Variants in ANK3 observed in about 807,000 individuals in gnomAD.
The protein encoded by ANK3 is ankyrin-3.
A neutral mutation model predicts 370.9 loss-of-function variants in ANK3; 57 were observed. The observed-to-expected ratio is 0.15, with a 90% CI of 0.12 to 0.19. The LOEUF is 0.19. Ranked by LOEUF, ANK3 falls within the 10% of genes least tolerant of loss-of-function variation. The pLI, the probability that ANK3 is intolerant of heterozygous loss-of-function variation, is 1.00. For synonymous variants in ANK3, 1,929 were observed against 1,946.3 expected (o/e 0.99, Z 0.23); for missense variants, 4,439 against 5,302.1 (o/e 0.84, Z 5.06).
Position 60,080,566 on chromosome 10 carries a change from C to T in ANK3, c.4403G>A (p.Arg1468His), listed in dbSNP as rs74777754. The change falls in exon 36 of 44, where the codon CGC becomes CAC. Residue 1468 changes from arginine (R) to histidine (H), a missense_variant. By Grantham distance (29) the Arg-to-His change is conservative (BLOSUM62 0). Coordinates refer to ENST00000280772, the MANE Select transcript of ANK3 (RefSeq NM_020987.5). ...TCCAGGCTCAGTCAAGTAGCTGTAG[C>T]GCTTACGTAAAGCTAAGGATGCGAA... ...QSFASLALRKRYSYLTEPGMI... is the reference protein window; with the variant it reads ...QSFASLALRKHYSYLTEPGMI... 5.2e-4 allele frequency: 839 copies of T among 1,611,958 alleles called. 8 individuals carry two copies. In the East Asian group the frequency reaches 0.018, roughly 34 times the overall value.
At chr10:60,681,512 A>T (rs1468908285) in intron 1 of ANK3, among the ~76,000 whole-genome samples, 1 of 152,162 alleles carries the variant, frequency 6.6e-6, no homozygotes, top group African/African-American at 2.4e-5. Context: ...ACCTGGCTAA[A>T]TCCGAATCAT....
At chr10:60,220,112 T>A (rs532793565) in intron 8 of ANK3, among the ~76,000 whole-genome samples, 6 of 152,186 alleles carry the variant, frequency 3.9e-5, no homozygotes, top group African/African-American at 1.2e-4. Context: ...CCTGAAGACA[T>A]CTGATGGAGA....
intron 2 of ANK3, among the ~76,000 whole-genome samples, chr10:60,467,444 G>T (rs1344995170): frequency 1.3e-5 from 2 of 152,066 alleles, no homozygotes; most frequent in African/African-American, 2.4e-5. Flanking sequence ...GATGTGGGAG[G>T]TATCAGATTT....
intron 4 of ANK3, among the ~76,000 whole-genome samples, chr10:60,271,524 ATAC>A (rs2097985119): frequency 6.6e-6 from 1 of 152,186 alleles, no homozygotes; most frequent in Non-Finnish European, 1.5e-5. Flanking sequence ...CTTTTTGAAT[ATAC>A]TTTTCAGAAT....
chr10:60,312,982 A>G (rs10761480), intron 1 of ANK3, among the ~76,000 whole-genome samples: 91,405 of 151,418 alleles, frequency 0.6, 27,807 homozygotes, highest in South Asian at 0.78. Flanking sequence ...AAGACATCTG[A>G]GGCCTCCCCA....
chr10:60,071,246 T>C lies in ANK3; in HGVS notation c.9635A>G (p.Gln3212Arg), dbSNP rs1408389273. 1.2e-6 allele frequency: 2 copies of C among 1,614,048 alleles called. No homozygotes were observed. The highest frequency in any genetic ancestry group is 1.7e-6 in the Non-Finnish European group (2 of 1,180,008). The change falls in exon 37 of 44, where the codon CAG becomes CGG. Residue 3212 changes from glutamine (Q) to arginine (R), a missense_variant. By Grantham distance (43) the Gln-to-Arg change is conservative (BLOSUM62 1). Around this residue, in one of 13 missense-constraint regions of ANK3, gnomAD observed 1,601 missense variants for 1,731.7 expected, o/e 0.92. Transcript: ENST00000280772. ...EVSEESEEEE[Q>R]AKSTSLKQTT... is the part of the protein sequence containing the mutation. ...CTGCTTAAGGGAGGTTGACTTGGCC[T>C]GTTCCTCCTCCTCTGACTCCTCAGA...
chr10:60,416,164 C>T (rs753804178), intron 2 of ANK3, among the ~76,000 whole-genome samples: 2 of 152,086 alleles, frequency 1.3e-5, no homozygotes, highest in Non-Finnish European at 2.9e-5. Context: ...CTTATCAGCA[C>T]CTTAATCTTG....
intron 8 of ANK3, among the ~76,000 whole-genome samples, chr10:60,217,233 T>A (rs1290077632): frequency 6.6e-6 from 1 of 152,140 alleles, no homozygotes; most frequent in African/African-American, 2.4e-5. Context: ...TTCATTGATT[T>A]TTTGGGGGGT....
chr10:60,285,986 T>C (rs1190744764), intron 1 of ANK3, among the ~76,000 whole-genome samples: 1 of 152,198 alleles, frequency 6.6e-6, no homozygotes, highest in Non-Finnish European at 1.5e-5. Context: ...TGATTCAATA[T>C]TCTGTCTTAG....
intron 25 of ANK3, among the ~76,000 whole-genome samples, chr10:60,129,652 C>G (rs533605037): frequency 6.6e-6 from 1 of 152,210 alleles, no homozygotes; most frequent in Non-Finnish European, 1.5e-5. Context: ...ACTAGGGAGG[C>G]TGAGGCACAA....
At chr10:60,225,453 A>C (rs1456058498) in intron 8 of ANK3, among the ~76,000 whole-genome samples, 1 of 152,146 alleles carries the variant, frequency 6.6e-6, no homozygotes, top group Non-Finnish European at 1.5e-5. Context: ...ATACCTACTC[A>C]AGGTCACATG....
intron 2 of ANK3, among the ~76,000 whole-genome samples, chr10:60,496,493 CTT>C (rs1285153668): frequency 6.6e-6 from 1 of 151,800 alleles, no homozygotes; most frequent in Non-Finnish European, 1.5e-5. Flanking sequence ...TTCTTTATCA[CTT>C]TTATTTCTTC....
chr10:60,261,715 T>A lies in ANK3; in HGVS notation c.798+144A>T. The A allele has an allele frequency of 4.7e-6, 3 of 639,908 alleles. No individual in the cohort carries two copies. In the East Asian group the frequency reaches 8.5e-5, roughly 18 times the overall value. 39.6% of individuals were successfully genotyped at this position (639,908 alleles called of 1,614,324 possible). ...GCACACCTATGTAAAATCAAGAACA[T>A]ACACTAGGATGAGTAGAAATCATAG... On this transcript the variant is annotated intron_variant, in intron 7 of 43. Coordinates refer to ENST00000280772, the MANE Select transcript of ANK3 (RefSeq NM_020987.5).
chr10:60,053,313 C>G (rs561019010), intron 42 of ANK3, among the ~76,000 whole-genome samples: 1 of 152,260 alleles, frequency 6.6e-6, no homozygotes, highest in Non-Finnish European at 1.5e-5. Context: ...TACATGGAAT[C>G]ATAAGTTGAG....
chr10:60,116,332 C>T (rs2093082365), intron 25 of ANK3, among the ~76,000 whole-genome samples: 2 of 152,182 alleles, frequency 1.3e-5, no homozygotes, highest in African/African-American at 2.4e-5. Context: ...AATGTTCTGG[C>T]TTATTACTTC....
chr10:60,242,988 A>T (rs1317269281), intron 7 of ANK3, among the ~76,000 whole-genome samples: 2 of 152,268 alleles, frequency 1.3e-5, no homozygotes, highest in East Asian at 3.9e-4. Flanking sequence ...CTGTCACCGT[A>T]CTTACTTTGT....
At chr10:60,150,533 T>C (rs895088930) in intron 23 of ANK3, among the ~76,000 whole-genome samples, 4 of 152,174 alleles carry the variant, frequency 2.6e-5, no homozygotes, top group African/African-American at 9.7e-5. Flanking sequence ...CATGTTGAAA[T>C]TTGAGCCCCA....
At chr10:60,104,972 G>A (rs554643073) in intron 28 of ANK3, among the ~76,000 whole-genome samples, 11 of 152,126 alleles carry the variant, frequency 7.2e-5, no homozygotes, top group Admixed American at 2.0e-4. Flanking sequence ...AGTACCCTAC[G>A]GTTCACCTCG....
At chr10:60,244,965 C>T (rs1044786647) in intron 7 of ANK3, among the ~76,000 whole-genome samples, 3 of 152,038 alleles carry the variant, frequency 2.0e-5, no homozygotes, top group Admixed American at 1.3e-4. Context: ...GTCAGGAGAT[C>T]GAGACCATCC....
Sources: gnomAD v4.1 joint callset for allele counts (sites outside exome capture counted in the v4.1 genomes callset) on GRCh38, gnomAD v4.1.1 for gene constraint, gnomAD v4.1.1 regional missense constraint, MANE v1.5 for transcripts, NCBI Gene and HGNC (gene_info 2026-07-23, HGNC 2026-07-21) for gene names.